B3GALNT2: variants seen among roughly 807,000 people sequenced by gnomAD.
B3GALNT2 encodes beta-1,3-N-acetylgalactosaminyltransferase 2, also known as UDP-GalNAc:beta-1,3-N-acetylgalactosaminyltransferase 2.
B3GALNT2 carries 53 observed loss-of-function variants against 61.1 expected under a neutral mutation model. That is an observed-to-expected ratio of 0.87 (90% CI 0.70 to 1.09). B3GALNT2 has a LOEUF of 1.09. Ranked by LOEUF, B3GALNT2 falls within the 50% of genes least tolerant of loss-of-function variation. The pLI is 0.00. For missense variants in B3GALNT2, 544 were observed against 623.0 expected (o/e 0.87, Z 1.35); for synonymous variants, 223 against 237.4 (o/e 0.94, Z 0.56).
At chr1:235,456,778 TAA>T (rs1225254559) in intron 8 of B3GALNT2, among the ~76,000 whole-genome samples, 1 of 152,222 alleles carries the variant, frequency 6.6e-6, no homozygotes, top group African/African-American at 2.4e-5. Context: ...TATCTTGCTC[TAA>T]AGAGTATCCG....
At chr1:235,490,733 A>T (rs1482868718) in intron 2 of B3GALNT2, among the ~76,000 whole-genome samples, 1 of 151,890 alleles carries the variant, frequency 6.6e-6, no homozygotes, top group Admixed American at 6.6e-5. Flanking sequence ...ATCTTATAAT[A>T]TATATTAAAA....
intron 1 of B3GALNT2, among the ~76,000 whole-genome samples, chr1:235,503,545 C>T (rs1006661078): frequency 1.3e-5 from 2 of 152,266 alleles, no homozygotes; most frequent in African/African-American, 2.4e-5. Context: ...ACAGGAACAA[C>T]TCCAACTCTC....
intron 5 of B3GALNT2, among the ~76,000 whole-genome samples, chr1:235,472,524 CTTATT>C (rs967573862): frequency 2.0e-4 from 31 of 152,240 alleles, no homozygotes; most frequent in African/African-American, 6.5e-4. Flanking sequence ...TCTGATATTT[CTTATT>C]TTATTTTATT....
intron 3 of B3GALNT2, among the ~76,000 whole-genome samples, chr1:235,487,869 G>C (rs1474866266): frequency 6.6e-6 from 1 of 152,060 alleles, no homozygotes; most frequent in Admixed American, 6.6e-5. Flanking sequence ...GCTTACTGCA[G>C]CCTCGAACTG....
Position 235,454,332 on chromosome 1 carries a change from T to G in B3GALNT2, c.1152-17A>C. ...AGTCTGAAACTGAGATGAAAAATAA[T>G]GTGGCCTCTTGTGTTAGTCTGACAC... On this transcript the variant is annotated splice_polypyrimidine_tract_variant and intron_variant, in intron 9 of 11. Coordinates refer to ENST00000366600, the MANE Select transcript of B3GALNT2 (RefSeq NM_152490.5). The G allele has an allele frequency of 1.3e-6, 2 of 1,597,094 alleles. No homozygotes were observed. Among genetic ancestry groups the G allele is most frequent in the African/African-American group, 1.3e-5 (1 of 74,564 alleles).
downstream of B3GALNT2, among the ~76,000 whole-genome samples, chr1:235,447,078 C>T (rs533466620): frequency 1.3e-5 from 2 of 152,292 alleles, no homozygotes; most frequent in East Asian, 3.9e-4. Flanking sequence ...TCTCACCAGC[C>T]TTCAAACAAT....
intron 7 of B3GALNT2, chr1:235,465,423 A>T: frequency 1.7e-6 from 1 of 600,126 alleles, no homozygotes; most frequent in Non-Finnish European, 2.6e-6. Flanking sequence ...AATGAGGAGT[A>T]ACTGCTAATG....
At position 235,447,415 on chromosome 1, in the gene B3GALNT2, G is replaced by A. The variant is rs958786572; in HGVS notation, c.*2791C>T. Among the ~76,000 whole-genome samples the A allele has an allele frequency of 2.6e-5, 4 of 152,144 alleles. No homozygotes were observed. The highest frequency in any genetic ancestry group is 2.1e-4 in the South Asian group (1 of 4,830). On this transcript the variant is annotated 3_prime_UTR_variant, in exon 12 of 12. Coordinates refer to ENST00000366600, the MANE Select transcript of B3GALNT2 (RefSeq NM_152490.5). ...AAATATCCACTATTTACCACAACCC[G>A]TCTTTGGAAAGAAGTTCATAGTGTA...
the B3GALNT2 span, chr1:235,441,455 G>A: frequency 3.5e-6 from 1 of 284,462 alleles, no homozygotes; most frequent in African/African-American, 2.2e-5. Flanking sequence ...AACATTTGAA[G>A]TATTTGAAGG....
rs1682501371 is a variant in B3GALNT2 at position 235,447,787 on chromosome 1, A to G, written c.*2419T>C. 6.6e-6 allele frequency among the ~76,000 whole-genome samples: 1 copy of G among 152,196 alleles called. No individual in the cohort carries two copies. On this transcript the variant is annotated 3_prime_UTR_variant, in exon 12 of 12. Coordinates refer to ENST00000366600, the MANE Select transcript of B3GALNT2 (RefSeq NM_152490.5). ...ATTAAGAAAGAAATACACTACTGAA[A>G]TGGTATGAAACTCACTGTCAAAGGG...
chr1:235,483,606 T>C (rs2102842218), intron 4 of B3GALNT2, among the ~76,000 whole-genome samples: 1 of 152,224 alleles, frequency 6.6e-6, no homozygotes, highest in South Asian at 2.1e-4. Context: ...ATCCCATCTT[T>C]ACTAAAAATA....
Position 235,482,242 on chromosome 1 carries a change from T to G in B3GALNT2, c.555+2080A>C, listed in dbSNP as rs190559308. Among the ~76,000 whole-genome samples, 46 of 152,084 alleles carry G rather than the reference T, an allele frequency of 3.0e-4. No homozygotes were observed. In the East Asian group the frequency reaches 8.0e-3, roughly 26 times the overall value. Reference sequence around the variant, plus strand: ...AAGGAAAAGGCTCCAAATATGCATCTCCTCCCTACCCCACTTCTTGACTCT... The same window carrying G: ...AAGGAAAAGGCTCCAAATATGCATCGCCTCCCTACCCCACTTCTTGACTCT... On this transcript the variant is annotated intron_variant, in intron 4 of 11. Coordinates refer to ENST00000366600, the MANE Select transcript of B3GALNT2 (RefSeq NM_152490.5).
downstream of B3GALNT2, among the ~76,000 whole-genome samples, chr1:235,443,994 A>G (rs1232181468): frequency 1.3e-5 from 2 of 152,246 alleles, no homozygotes; most frequent in African/African-American, 4.8e-5. Context: ...ATGCTAAAAT[A>G]TAAATAATTT....
At chr1:235,454,006 T>C in intron 10 of B3GALNT2, 150 bp downstream of exon 10, 1 of 664,394 alleles carries the variant, frequency 1.5e-6, no homozygotes, top group Non-Finnish European at 2.3e-6. Context: ...TTTGTTTTTA[T>C]TTTATTTTTT....
intron 3 of B3GALNT2, among the ~76,000 whole-genome samples, chr1:235,486,528 C>A (rs574431357): frequency 6.6e-6 from 1 of 152,286 alleles, no homozygotes; most frequent in South Asian, 2.1e-4. Flanking sequence ...ACCACAGCCA[C>A]AGTATCACGA....
Position 235,501,091 on chromosome 1 carries a change from C to T in B3GALNT2, c.112+3050G>A, listed in dbSNP as rs374617739. On this transcript the variant is annotated intron_variant, in intron 1 of 11. Transcript: ENST00000366600. ...GTTTTGGTTTCTTTCTTTCCAGATA[C>T]CCTAGAAAGCGAAGCCTTCTTTTGT... is the stretch of plus-strand genomic sequence containing the variant. 3.3e-5 allele frequency among the ~76,000 whole-genome samples: 5 copies of T among 152,172 alleles called. No individual in the cohort carries two copies. The South Asian group carries it at 1.0e-3, about 31-fold the overall frequency.
intron 7 of B3GALNT2, chr1:235,463,660 AG>A (rs1683542436): frequency 7.0e-6 from 1 of 143,458 alleles, no homozygotes; most frequent in Non-Finnish European, 1.5e-5. Context: ...TCTGCCTCCC[AG>A]GTTCAAGCGA....
In B3GALNT2 at chr1:235,465,548, CAAAA is replaced by C. The variant is rs111575858; in HGVS notation, c.841+84_841+87del. 5.2e-6 allele frequency: 8 copies of C among 1,534,998 alleles called. No individual in the cohort carries two copies. The African/African-American group carries it at 7.0e-5, about 13-fold the overall frequency. On this transcript the variant is annotated intron_variant, in intron 7 of 11. Coordinates refer to ENST00000366600, the MANE Select transcript of B3GALNT2 (RefSeq NM_152490.5). ...TATCTGAATAAAGTTTTTTAAAAGA[CAAAA>C]AAGAAAAAATCCTTTTCTCTCAAGT...
chr1:235,466,732 A>G (rs1325888952), intron 6 of B3GALNT2, among the ~76,000 whole-genome samples: 1 of 152,200 alleles, frequency 6.6e-6, no homozygotes, highest in Non-Finnish European at 1.5e-5. Flanking sequence ...AGAATGGAGA[A>G]TCTTTTATTA....
Sources: gnomAD v4.1 joint callset for allele counts (sites outside exome capture counted in the v4.1 genomes callset) on GRCh38, gnomAD v4.1.1 for gene constraint, MANE v1.5 for transcripts, NCBI Gene and HGNC (gene_info 2026-07-23, HGNC 2026-07-21) for gene names.